Variants in MAML3 observed in about 807,000 individuals in gnomAD.
MAML3 encodes the protein mastermind like transcriptional coactivator 3.
A neutral mutation model predicts 101.9 loss-of-function variants in MAML3; 27 were observed. The observed-to-expected ratio is 0.27, with a 90% CI of 0.20 to 0.37. MAML3 has a LOEUF of 0.37. Among genes scored for constraint, MAML3 ranks in the 10% least tolerant of loss-of-function variants. The probability of loss-of-function intolerance (pLI) is 1.00; values close to 1 mark genes in which losing one functional copy is unlikely to be tolerated. For missense variants in MAML3, 1,316 were observed against 1,444.9 expected (o/e 0.91, Z 1.45); for synonymous variants, 501 against 555.9 (o/e 0.90, Z 1.39).
chr4:139,747,688 C>T (rs1188045896), intron 2 of MAML3, among the ~76,000 whole-genome samples: 2 of 145,754 alleles, frequency 1.4e-5, no homozygotes, highest in African/African-American at 5.1e-5. Flanking sequence ...AGCAAGACTC[C>T]CTCTCAGAAA....
At chr4:140,152,447 G>A (rs1053716307) in intron 1 of MAML3, among the ~76,000 whole-genome samples, 1 of 152,094 alleles carries the variant, frequency 6.6e-6, no homozygotes, top group Non-Finnish European at 1.5e-5. Flanking sequence ...GACGGGTCTG[G>A]GGAGGCGAGG....
intron 2 of MAML3, among the ~76,000 whole-genome samples, chr4:139,882,851 A>C (rs1012601465): frequency 6.6e-6 from 1 of 152,204 alleles, no homozygotes; most frequent in Non-Finnish European, 1.5e-5. Flanking sequence ...TCTGTCTTAA[A>C]AACACAAACA....
intron 1 of MAML3, among the ~76,000 whole-genome samples, chr4:140,032,091 C>T (rs772200278): frequency 2.2e-4 from 33 of 152,258 alleles, no homozygotes; most frequent in Non-Finnish European, 3.7e-4. Flanking sequence ...CTTAAATTTA[C>T]CTGTCTGTGC....
chr4:140,150,803 T>TA (rs1279740939), intron 1 of MAML3, among the ~76,000 whole-genome samples: 1 of 151,996 alleles, frequency 6.6e-6, no homozygotes, highest in East Asian at 1.9e-4. Flanking sequence ...GGACCGGAGC[T>TA]ACAGTCGAGA....
chr4:139,964,570 A>C (rs1734089806), intron 1 of MAML3, among the ~76,000 whole-genome samples: 1 of 152,170 alleles, frequency 6.6e-6, no homozygotes, highest in African/African-American at 2.4e-5. Context: ...AGAATAAAGA[A>C]AAACAAAAAT....
chr4:139,795,595 T>G (rs1730498357), intron 2 of MAML3, among the ~76,000 whole-genome samples: 2 of 152,228 alleles, frequency 1.3e-5, no homozygotes, highest in African/African-American at 4.8e-5. Flanking sequence ...AGTCACAATT[T>G]CTGGTAAGTA....
chr4:139,913,736 G>A (rs1487397573), intron 1 of MAML3, among the ~76,000 whole-genome samples: 5 of 152,146 alleles, frequency 3.3e-5, no homozygotes, highest in East Asian at 3.8e-4. Flanking sequence ...AGACTACGGC[G>A]GGCGCCCCTT....
At chr4:140,034,572 A>G (rs897614669) in intron 1 of MAML3, among the ~76,000 whole-genome samples, 1 of 152,198 alleles carries the variant, frequency 6.6e-6, no homozygotes, top group African/African-American at 2.4e-5. Flanking sequence ...CTGAATGTCT[A>G]TTTTGTGCTA....
At chr4:140,101,200 G>A (rs1463704420) in intron 1 of MAML3, among the ~76,000 whole-genome samples, 1 of 152,094 alleles carries the variant, frequency 6.6e-6, no homozygotes. Flanking sequence ...AATAATGGTT[G>A]TTTAAGCCGT....
intron 1 of MAML3, among the ~76,000 whole-genome samples, chr4:140,083,899 A>G (rs1578676233): frequency 6.6e-6 from 1 of 151,576 alleles, no homozygotes; most frequent in Non-Finnish European, 1.5e-5. Flanking sequence ...CCCAACGGCA[A>G]AAGAAACACC....
At chr4:140,013,894 T>C (rs1726603508) in intron 1 of MAML3, among the ~76,000 whole-genome samples, 1 of 152,212 alleles carries the variant, frequency 6.6e-6, no homozygotes, top group South Asian at 2.1e-4. Context: ...AGCAAAGGTA[T>C]ATAAATGATG....
At chr4:140,006,378 G>A (rs1426495564) in intron 1 of MAML3, among the ~76,000 whole-genome samples, 1 of 152,010 alleles carries the variant, frequency 6.6e-6, no homozygotes, top group Non-Finnish European at 1.5e-5. Flanking sequence ...TTGAGGTTAG[G>A]AGTTTGAGAC....
At chr4:139,866,384 C>T (rs1193920663) in intron 2 of MAML3, among the ~76,000 whole-genome samples, 1 of 152,198 alleles carries the variant, frequency 6.6e-6, no homozygotes, top group Non-Finnish European at 1.5e-5. Context: ...GAATACAGAA[C>T]AAAGTTTGGA....
chr4:139,907,845 G>A (rs1432852781), intron 1 of MAML3, among the ~76,000 whole-genome samples: 7 of 152,140 alleles, frequency 4.6e-5, no homozygotes, highest in African/African-American at 7.2e-5. Context: ...CTTCTTCACC[G>A]TGAATGATTT....
rs113800284 is a variant in MAML3 at position 139,842,522 on chromosome 4, A to AT, written c.2079+46834dup. Among the ~76,000 whole-genome samples the AT allele has an allele frequency of 1.5e-4, 22 of 151,164 alleles. No individual in the cohort carries two copies. In the East Asian group the frequency reaches 3.0e-3, roughly 20 times the overall value. On this transcript the variant is annotated intron_variant, in intron 2 of 4. Transcript: ENST00000509479. ...CTAGAAAGGAGGCATTTTTATTTTT[A>AT]TTTTTATTTGTTTTGAGACAGGATC...
At chr4:140,139,144 GC>G (rs1443751263) in intron 1 of MAML3, among the ~76,000 whole-genome samples, 1 of 151,992 alleles carries the variant, frequency 6.6e-6, no homozygotes, top group Non-Finnish European at 1.5e-5. Flanking sequence ...ATGGTGGCAG[GC>G]ACCTGTAGTC....
At chr4:140,072,595 G>A (rs1727679076) in intron 1 of MAML3, among the ~76,000 whole-genome samples, 1 of 151,876 alleles carries the variant, frequency 6.6e-6, no homozygotes, top group South Asian at 2.1e-4. Context: ...GCTTGAACCT[G>A]GGAGGCAGAG....
At chr4:140,016,983 T>C (rs1472021770) in intron 1 of MAML3, among the ~76,000 whole-genome samples, 2 of 152,242 alleles carry the variant, frequency 1.3e-5, no homozygotes, top group Non-Finnish European at 2.9e-5. Context: ...AAATCTTTTG[T>C]TCTGTGACAG....
intron 1 of MAML3, among the ~76,000 whole-genome samples, chr4:140,031,102 G>A (rs1726900816): frequency 6.6e-6 from 1 of 152,080 alleles, no homozygotes; most frequent in African/African-American, 2.4e-5. Flanking sequence ...ATATTGCCAC[G>A]AGTTATGATT....
Sources: allele counts gnomAD v4.1 joint callset (sites outside exome capture counted in the v4.1 genomes callset), GRCh38; gene constraint gnomAD v4.1.1; transcripts MANE v1.5; gene names NCBI Gene and HGNC (gene_info 2026-07-23, HGNC 2026-07-21).